SNX24: variants seen among roughly 807,000 people sequenced by gnomAD.
SNX24 encodes sorting nexin 24.
SNX24 carries 22 observed loss-of-function variants against 28.7 expected under a neutral mutation model. That is an observed-to-expected ratio of 0.77 (90% CI 0.55 to 1.10). SNX24 has a LOEUF of 1.10. SNX24 is among the 50% of genes least tolerant of loss of function. The pLI is 0.00. For missense variants in SNX24, 221 were observed against 201.1 expected (o/e 1.10, Z -0.60); for synonymous variants, 69 against 71.5 (o/e 0.96, Z 0.18).
chr5:123,021,111 C>A (rs915739029), intron 5 of SNX24, among the ~76,000 whole-genome samples: 1 of 139,324 alleles, frequency 7.2e-6, no homozygotes, highest in Non-Finnish European at 1.6e-5. Flanking sequence ...AGTTCCCCCC[C>A]CGTCCCCATG....
In SNX24 at chr5:122,845,620, T is replaced by C. The variant is rs754287891; in HGVS notation, c.-14T>C. The C allele has an allele frequency of 1.9e-5, 27 of 1,388,572 alleles. No individual in the cohort carries two copies. The East Asian group carries it at 7.5e-4, about 39-fold the overall frequency. 86.0% of individuals were successfully genotyped at this position (1,388,572 alleles called of 1,614,324 possible). On this transcript the variant is annotated 5_prime_UTR_variant, in exon 1 of 7. Coordinates refer to ENST00000261369, the MANE Select transcript of SNX24 (RefSeq NM_014035.4). Reference sequence around the variant, plus strand: ...TGCCCCCAACTCGCCCTCAGCCGGCTGGCCGGCGCGGCCATGGAGGTCTAC... The same window carrying C: ...TGCCCCCAACTCGCCCTCAGCCGGCCGGCCGGCGCGGCCATGGAGGTCTAC...
chr5:122,933,376 C>A (rs1037299050), intron 1 of SNX24, among the ~76,000 whole-genome samples: 1 of 152,226 alleles, frequency 6.6e-6, no homozygotes, highest in African/African-American at 2.4e-5. Context: ...TGAGGGAGGC[C>A]TCCTCAGCTG....
At chr5:122,882,446 G>T (rs2150062079) in intron 1 of SNX24, among the ~76,000 whole-genome samples, 1 of 152,310 alleles carries the variant, frequency 6.6e-6, no homozygotes, top group East Asian at 1.9e-4. Flanking sequence ...CCTAACTCTT[G>T]GAGATTGGAC....
chr5:122,948,297 T>A (rs182992251), intron 3 of SNX24, among the ~76,000 whole-genome samples: 15 of 152,222 alleles, frequency 9.9e-5, no homozygotes, highest in Admixed American at 7.2e-4. Context: ...TTGCTTACAT[T>A]ACACCAGCTA....
chr5:122,893,869 C>A (rs1757087872), intron 1 of SNX24, among the ~76,000 whole-genome samples: 1 of 152,070 alleles, frequency 6.6e-6, no homozygotes, highest in Non-Finnish European at 1.5e-5. Context: ...AATGTTGAAA[C>A]CCTGTCTCTA....
chr5:122,872,214 C>T (rs1474211888), intron 1 of SNX24, among the ~76,000 whole-genome samples: 1 of 151,412 alleles, frequency 6.6e-6, no homozygotes, highest in Non-Finnish European at 1.5e-5. Flanking sequence ...AAGATCCCTG[C>T]AGCGCTTTTA....
chr5:122,987,513 A>AT (rs1761653270), intron 3 of SNX24, among the ~76,000 whole-genome samples: 1 of 152,144 alleles, frequency 6.6e-6, no homozygotes, highest in Non-Finnish European at 1.5e-5. Context: ...GTATTCTGTG[A>AT]TTTTTCTCAG....
intron 2 of SNX24, among the ~76,000 whole-genome samples, chr5:122,944,435 TTTC>T (rs967176737): frequency 5.0e-5 from 3 of 60,272 alleles, no homozygotes; most frequent in African/African-American, 3.6e-4. Flanking sequence ...TGATTTTTTT[TTTC>T]CCCCAAAAAA....
At chr5:122,976,701 C>T (rs940912763) in intron 3 of SNX24, among the ~76,000 whole-genome samples, 9 of 152,172 alleles carry the variant, frequency 5.9e-5, no homozygotes, top group East Asian at 1.9e-4. Context: ...ATGAAGTCCC[C>T]GTGATTGAGC....
intron 1 of SNX24, among the ~76,000 whole-genome samples, chr5:122,877,005 TGAG>T (rs1034646142): frequency 1.3e-5 from 2 of 152,098 alleles, no homozygotes; most frequent in African/African-American, 4.8e-5. Context: ...AGAGCCACAT[TGAG>T]GAGGTCCCTG....
intron 1 of SNX24, among the ~76,000 whole-genome samples, chr5:122,874,314 A>T (rs1756128623): frequency 6.6e-6 from 1 of 152,234 alleles, no homozygotes; most frequent in African/African-American, 2.4e-5. Flanking sequence ...GATTACGTTT[A>T]GCTAAGTGAG....
intron 3 of SNX24, among the ~76,000 whole-genome samples, chr5:122,993,599 C>T (rs1350566179): frequency 1.3e-5 from 2 of 152,106 alleles, no homozygotes; most frequent in African/African-American, 2.4e-5. Flanking sequence ...CATGCCCGGC[C>T]TACTGGCTGC....
intron 2 of SNX24, among the ~76,000 whole-genome samples, chr5:122,943,459 G>A (rs889358287): frequency 3.9e-5 from 6 of 152,098 alleles, no homozygotes; most frequent in Non-Finnish European, 7.3e-5. Flanking sequence ...CTTTCCTGAT[G>A]GAAGCTACTC....
chr5:123,013,748 T>C (rs764084205), downstream of SNX24, among the ~76,000 whole-genome samples: 26 of 152,220 alleles, frequency 1.7e-4, no homozygotes, highest in Non-Finnish European at 3.1e-4. Context: ...AGGACATTGG[T>C]GTCCCTAGCT....
chr5:122,938,302 A>G (rs991280802), intron 2 of SNX24, among the ~76,000 whole-genome samples: 4 of 152,102 alleles, frequency 2.6e-5, no homozygotes, highest in Non-Finnish European at 5.9e-5. Context: ...GTTCTTAGCT[A>G]TTCATGGTCA....
chr5:122,889,788 TC>T (rs1485936809), intron 1 of SNX24, among the ~76,000 whole-genome samples: 2 of 149,952 alleles, frequency 1.3e-5, no homozygotes, highest in Non-Finnish European at 3.0e-5. Flanking sequence ...TTTTCATTAT[TC>T]CTAAGGACAA....
At chr5:122,978,391 G>A (rs1761254593) in intron 3 of SNX24, among the ~76,000 whole-genome samples, 1 of 152,132 alleles carries the variant, frequency 6.6e-6, no homozygotes, top group Admixed American at 6.5e-5. Flanking sequence ...CTTCTCAGGG[G>A]CAGTTCTAAT....
chr5:122,900,880 GAGGGA>G, intron 1 of SNX24, among the ~76,000 whole-genome samples: 1 of 152,218 alleles, frequency 6.6e-6, no homozygotes, highest in Middle Eastern at 3.4e-3. Context: ...TCCTTTTTCA[GAGGGA>G]AAAATGATTT....
chr5:122,859,259 C>A (rs906988533), intron 1 of SNX24, among the ~76,000 whole-genome samples: 2 of 151,764 alleles, frequency 1.3e-5, no homozygotes, highest in African/African-American at 4.8e-5. Context: ...AGACTTGAGC[C>A]CAGGAGTTGG....
Sources: gnomAD v4.1 joint callset for allele counts (sites outside exome capture counted in the v4.1 genomes callset) on GRCh38, gnomAD v4.1.1 for gene constraint, MANE v1.5 for transcripts, NCBI Gene and HGNC (gene_info 2026-07-23, HGNC 2026-07-21) for gene names.